CUX1: variants seen among roughly 807,000 people sequenced by gnomAD.
CUX1 encodes cut like homeobox 1.
In CUX1, 31 loss-of-function variants were observed where a neutral mutation model predicts 158.8. The observed-to-expected ratio is 0.20, with a 90% CI of 0.15 to 0.26. The LOEUF (loss-of-function observed/expected upper bound fraction) is 0.26. CUX1 is among the 10% of genes least tolerant of loss of function. CUX1 has a pLI of 1.00. For missense variants in CUX1, 1,589 were observed against 2,014.6 expected (o/e 0.79, Z 4.04); for synonymous variants, 879 against 862.1 (o/e 1.02, Z -0.34).
intron 21 of CUX1, among the ~76,000 whole-genome samples, chr7:102,233,849 T>A (rs1012246411): frequency 8.5e-5 from 13 of 152,292 alleles, no homozygotes; most frequent in Non-Finnish European, 1.5e-4. Flanking sequence ...GCAAGAGCAA[T>A]GCCAACTCCC....
In CUX1 at chr7:101,841,077, T is replaced by C. The variant is rs184564001; in HGVS notation, c.30+23408T>C. 8.6e-3 allele frequency among the ~76,000 whole-genome samples: 1,306 copies of C among 151,916 alleles called. 16 individuals carry two copies. The highest frequency in any genetic ancestry group is 0.03 in the African/African-American group (1,259 of 41,444). On this transcript the variant is annotated intron_variant, in intron 1 of 23. Coordinates refer to ENST00000292535, the MANE Select transcript of CUX1 (RefSeq NM_181552.4). ...CCTGGCTAATTTTTTGTATTTTTAA[T>C]AGAGACGGGGTTTCACCGTGTTAGG...
Position 102,250,052 on chromosome 7 carries a change from GA to G in CUX1, c.*1019del, listed in dbSNP as rs1171896359. Reference sequence around the variant, plus strand: ...CTAGGCCAAATCAGGACAAAAAAAAGAAAAAAAAAGAAAAAAAAAAAAGAAA... The same window carrying G: ...CTAGGCCAAATCAGGACAAAAAAAAGAAAAAAAAGAAAAAAAAAAAAGAAA... On this transcript the variant is annotated 3_prime_UTR_variant, in exon 24 of 24. Transcript: ENST00000292535. The G allele has an allele frequency of 1.5e-3, 1,392 of 918,428 alleles. 17 individuals carry two copies. In the African/African-American group the frequency reaches 0.031, roughly 20 times the overall value. The allele number at this position is 918,428 out of a possible 1,614,324, so 56.9% of individuals were successfully genotyped here. A position where few individuals can be genotyped will look rare whatever the true frequency, so the allele number is the denominator to read the frequency against.
chr7:102,116,300 C>T (rs1831431259), intron 8 of CUX1, among the ~76,000 whole-genome samples: 1 of 151,958 alleles, frequency 6.6e-6, no homozygotes, highest in Non-Finnish European at 1.5e-5. Context: ...CCTGAGACCT[C>T]GAGAGCCCAG....
intron 8 of CUX1, among the ~76,000 whole-genome samples, chr7:102,150,709 G>A (rs1204329132): frequency 6.6e-6 from 1 of 152,128 alleles, no homozygotes; most frequent in African/African-American, 2.4e-5. Context: ...CCCTTCCATC[G>A]ACCTTGACCA....
intron 3 of CUX1, among the ~76,000 whole-genome samples, chr7:102,055,226 TTC>T (rs1242043295): frequency 6.6e-6 from 1 of 151,934 alleles, no homozygotes; most frequent in African/African-American, 2.4e-5. Context: ...TTTTTTTACT[TTC>T]ACTTTCAGAT....
At position 102,218,699 on chromosome 7, in the gene CUX1, C is replaced by T. The variant is rs1438245662; in HGVS notation, c.3131-8668C>T. On this transcript the variant is annotated intron_variant, in intron 20 of 23. Transcript: ENST00000292535. ...TGAGACCATGTCTCAAGAAAAAAAT[C>T]AAGAGAGAAAGAATTTTGGCTCCCA... Among the ~76,000 whole-genome samples the T allele has an allele frequency of 5.9e-5, 9 of 151,360 alleles. No individual in the cohort carries two copies. In the East Asian group the frequency reaches 1.8e-3, roughly 30 times the overall value.
intron 2 of CUX1, among the ~76,000 whole-genome samples, chr7:101,964,226 AC>A (rs552958494): frequency 2.9e-4 from 44 of 152,050 alleles, no homozygotes; most frequent in African/African-American, 1.0e-3. Flanking sequence ...AGTGGTGAGC[AC>A]CTGTAGTCCC....
chr7:102,071,813 A>G (rs1350644713), intron 4 of CUX1, among the ~76,000 whole-genome samples: 1 of 152,208 alleles, frequency 6.6e-6, no homozygotes, highest in Non-Finnish European at 1.5e-5. Context: ...CCTGGATGAC[A>G]TTCCTTTTCC....
intron 3 of CUX1, among the ~76,000 whole-genome samples, chr7:102,042,587 T>C (rs1426680218): frequency 5.9e-5 from 9 of 152,226 alleles, no homozygotes; most frequent in Non-Finnish European, 1.2e-4. Context: ...GGCTCTGTTA[T>C]TGTTAAGACC....
At chr7:102,065,673 C>CG (rs779380603) in intron 3 of CUX1, among the ~76,000 whole-genome samples, 2 of 152,138 alleles carry the variant, frequency 1.3e-5, no homozygotes, top group African/African-American at 4.8e-5. Flanking sequence ...GAAGAGGGCA[C>CG]GGGGAGAGGA....
At chr7:102,206,923 A>G (rs1554521584) in intron 20 of CUX1, among the ~76,000 whole-genome samples, 1 of 152,054 alleles carries the variant, frequency 6.6e-6, no homozygotes, top group African/African-American at 2.4e-5. Flanking sequence ...CCCTCGTCCT[A>G]CATAAAACAG....
intron 4 of CUX1, among the ~76,000 whole-genome samples, chr7:102,082,360 C>G (rs925739843): frequency 2.0e-5 from 3 of 146,416 alleles, no homozygotes; most frequent in African/African-American, 7.3e-5. Flanking sequence ...AACCCCGTCT[C>G]TACTAAAAAT....
intron 14 of CUX1, among the ~76,000 whole-genome samples, chr7:102,267,860 G>A (rs372727567): frequency 6.6e-5 from 10 of 152,098 alleles, no homozygotes; most frequent in East Asian, 1.9e-4. Flanking sequence ...TAGAGATGAC[G>A]TTTTGCCATG....
intron 8 of CUX1, among the ~76,000 whole-genome samples, chr7:102,121,192 G>A (rs529270562): frequency 1.3e-5 from 2 of 152,118 alleles, no homozygotes; most frequent in African/African-American, 4.8e-5. Context: ...TTTTGAGATA[G>A]GGTCTCTGTT....
At chr7:102,191,991 T>A (rs1794326496) in intron 12 of CUX1, among the ~76,000 whole-genome samples, 1 of 152,174 alleles carries the variant, frequency 6.6e-6, no homozygotes, top group Non-Finnish European at 1.5e-5. Context: ...GCTAACTCTT[T>A]CTGTTGCGTC....
chr7:101,884,175 G>C (rs1270734685), intron 1 of CUX1, among the ~76,000 whole-genome samples: 1 of 152,216 alleles, frequency 6.6e-6, no homozygotes, highest in African/African-American at 2.4e-5. Context: ...GATTATAGGT[G>C]TGAGCCATGC....
At chr7:101,849,912 ATTTTTTTTTTTTT>A (rs71106570) in intron 1 of CUX1, among the ~76,000 whole-genome samples, 15,420 of 124,374 alleles carry the variant, frequency 0.12, 997 homozygotes, top group South Asian at 0.18. Flanking sequence ...GTCTCATGCA[ATTTTTTTTTTTTT>A]TTTTTTTTTT....
intron 11 of CUX1, among the ~76,000 whole-genome samples, chr7:102,180,896 TTTTTATTTTATTTTATTTTATTGTA>T (rs547235221): frequency 0.094 from 13,450 of 142,414 alleles, 1,047 homozygotes; most frequent in African/African-American, 0.21. Flanking sequence ...TTTTTTTAAA[TTTTTATTTTATTTTATTTTATTGTA>T]TTTTATTTTA....
At chr7:102,111,608 A>G in intron 6 of CUX1, 90 bp from the exon 7 acceptor site, 2 of 1,199,944 alleles carry the variant, frequency 1.7e-6, no homozygotes, top group Non-Finnish European at 1.2e-6. Context: ...AGCTGAGCGC[A>G]GGGAGGGAGC....
Sources: gnomAD v4.1 joint callset for allele counts (sites outside exome capture counted in the v4.1 genomes callset) on GRCh38, gnomAD v4.1.1 for gene constraint, MANE v1.5 for transcripts, NCBI Gene and HGNC (gene_info 2026-07-23, HGNC 2026-07-21) for gene names.